ELN: variants seen among roughly 807,000 people sequenced by gnomAD.
ELN encodes tropoelastin.
Under a neutral mutation model 105.8 loss-of-function variants are expected in ELN, and 65 were observed. The ratio of observed to expected loss-of-function variants is 0.61; its 90% CI spans 0.50 to 0.75. ELN has a LOEUF of 0.75. Among genes scored for constraint, ELN ranks in the 30% least tolerant of loss-of-function variants. The pLI is 0.00. For synonymous variants in ELN, 368 were observed against 389.2 expected, an observed-to-expected ratio of 0.95 and a Z score of 0.64; for missense variants, 882 against 969.4, an observed-to-expected ratio of 0.91 and a Z score of 1.20.
intron 12 of ELN, 137 bp downstream of exon 12, chr7:74,046,904 C>T: frequency 1.0e-6 from 1 of 979,962 alleles, no homozygotes; most frequent in Non-Finnish European, 1.6e-6. Context: ...GCCAACATGG[C>T]AAAACCCCGT....
At chr7:74,057,445 T>C (rs1563842202) in intron 21 of ELN, 195 bp from the exon 22 acceptor site, 1 of 1,536,636 alleles carries the variant, frequency 6.5e-7, no homozygotes, top group Non-Finnish European at 8.7e-7. Flanking sequence ...GTCCCAGGTG[T>C]GCCGGGCACG....
chr7:74,031,787 AAAAG>A (rs782307370), intron 1 of ELN, among the ~76,000 whole-genome samples: 12 of 151,508 alleles, frequency 7.9e-5, no homozygotes, highest in East Asian at 3.9e-4. Context: ...AAAAGAAAGA[AAAAG>A]AAAGAAAGAG....
chr7:74,068,790 C>T lies in ELN; in HGVS notation c.*90C>T. The T allele has an allele frequency of 6.7e-7, 1 of 1,488,616 alleles. No homozygotes were observed. Among genetic ancestry groups the T allele is most frequent in the South Asian group, 1.1e-5 (1 of 88,344 alleles). 92.2% of individuals were successfully genotyped at this position (1,488,616 alleles called of 1,614,324 possible). A position where few individuals can be genotyped will look rare whatever the true frequency, so the allele number is the denominator to read the frequency against. ...AACCCTTTGTAACCCCATCCCATGCCCCTCCGACTCCCCACCCCAGGAGGG... is the reference window on the plus strand; with the variant it reads ...AACCCTTTGTAACCCCATCCCATGCTCCTCCGACTCCCCACCCCAGGAGGG... On this transcript the variant is annotated 3_prime_UTR_variant, in exon 33 of 33. Coordinates refer to ENST00000252034, the MANE Select transcript of ELN (RefSeq NM_000501.4).
chr7:74,064,423 A>ATATATATAT (rs1554687739), intron 29 of ELN, among the ~76,000 whole-genome samples: 4 of 133,152 alleles, frequency 3.0e-5, no homozygotes, highest in South Asian at 2.4e-4. Context: ...TCAAAAAAAA[A>ATATATATAT]ATATATATAT....
intron 25 of ELN, 178 bp downstream of exon 25, chr7:74,060,679 G>A: frequency 6.6e-7 from 1 of 1,513,296 alleles, no homozygotes; most frequent in Non-Finnish European, 8.9e-7. Context: ...ACCAGGCCAA[G>A]GGACCCCAGG....
At chr7:74,060,694 C>A in intron 25 of ELN, 193 bp downstream of exon 25, 2 of 1,448,846 alleles carry the variant, frequency 1.4e-6, no homozygotes, top group South Asian at 1.3e-5. Flanking sequence ...CCCAGGCTGC[C>A]CAATTGCAGA....
intron 1 of ELN, among the ~76,000 whole-genome samples, chr7:74,029,792 T>A (rs1390933960): frequency 6.6e-6 from 1 of 152,128 alleles, no homozygotes; most frequent in Non-Finnish European, 1.5e-5. Flanking sequence ...CCACCACCTA[T>A]AGGGTGGCAG....
At chr7:74,050,808 G>C in intron 15 of ELN, among the ~76,000 whole-genome samples, 1 of 152,138 alleles carries the variant, frequency 6.6e-6, no homozygotes, top group East Asian at 1.9e-4. Flanking sequence ...AGGAAAGTTA[G>C]AAAGGCTTCC....
intron 4 of ELN, among the ~76,000 whole-genome samples, chr7:74,039,843 A>G (rs2131337763): frequency 6.6e-6 from 1 of 152,344 alleles, no homozygotes; most frequent in African/African-American, 2.4e-5. Context: ...CTCATCGGAG[A>G]GGCAAATTGA....
At chr7:74,044,569 C>G (rs1377779437) in intron 9 of ELN, among the ~76,000 whole-genome samples, 1 of 152,224 alleles carries the variant, frequency 6.6e-6, no homozygotes, top group Non-Finnish European at 1.5e-5. Context: ...CCCAATGAGT[C>G]TGCCCTGCAG....
chr7:74,066,913 C>A, intron 32 of ELN, 137 bp downstream of exon 32: 1 of 873,198 alleles, frequency 1.1e-6, no homozygotes, highest in Non-Finnish European at 1.9e-6. Context: ...TCACACGAGG[C>A]TGGACCCCGA....
At chr7:74,033,366 C>T (rs549461814) in intron 1 of ELN, among the ~76,000 whole-genome samples, 13 of 152,262 alleles carry the variant, frequency 8.5e-5, no homozygotes, top group African/African-American at 3.1e-4. Context: ...GGAGAGAGGC[C>T]GAGGCAGAGA....
At chr7:74,058,651 C>A (rs1362229332) in intron 22 of ELN, among the ~76,000 whole-genome samples, 1 of 152,144 alleles carries the variant, frequency 6.6e-6, no homozygotes, top group African/African-American at 2.4e-5. Flanking sequence ...CCACCACACC[C>A]GGCCTGCAGT....
intron 17 of ELN, 53 bp downstream of exon 17, chr7:74,052,036 C>G: frequency 6.2e-7 from 1 of 1,604,708 alleles, no homozygotes; most frequent in South Asian, 1.1e-5. Context: ...GCATAGACCT[C>G]GGAGACCCTA....
rs1439853224 is a variant in ELN, at chr7:74,046,356, T to C, written c.571+139T>C. ...GCAGAGCCAGGTCTTGCAGTGGCTG[T>C]AGCACAAAGTGGCACCCATCCCAGG... On this transcript the variant is annotated intron_variant, in intron 11 of 32. Transcript: ENST00000252034. 2.4e-6 allele frequency: 3 copies of C among 1,246,248 alleles called. No homozygotes were observed. In the East Asian group the frequency reaches 7.0e-5, roughly 29 times the overall value. The allele number at this position is 1,246,248 out of a possible 1,614,324, so 77.2% of individuals were successfully genotyped here.
intron 1 of ELN, among the ~76,000 whole-genome samples, chr7:74,033,356 G>A (rs1421721389): frequency 6.6e-6 from 1 of 152,260 alleles, no homozygotes; most frequent in African/African-American, 2.4e-5. Flanking sequence ...AGAGGAGGAA[G>A]GAGAGAGGCC....
chr7:74,048,404 C>G (rs199896614), intron 14 of ELN, 99 bp from the exon 15 acceptor site: 157 of 1,573,974 alleles, frequency 1.0e-4, no homozygotes, highest in Admixed American at 6.8e-4. Flanking sequence ...TGTATACCCA[C>G]ATGTCAGTGG....
rs527441189 is a variant in ELN, at chr7:74,051,764, G to A, written c.814G>A (p.Gly272Arg). The change falls in exon 16 of 33, where the codon GGA (glycine) becomes AGA (arginine). Residue 272 changes from glycine to arginine, a missense_variant. Transcript: ENST00000252034. Reference sequence around the variant, plus strand: ...CATCTCAACAGGTGCTGGAGCAGCCGGAGTCCTCCCTGGTGTTGGAGGGGC... The same window carrying A: ...CATCTCAACAGGTGCTGGAGCAGCCAGAGTCCTCCCTGGTGTTGGAGGGGC... ...AAAKFGAGAA[G>R]VLPGVGGAGV... 9.3e-6 allele frequency: 15 copies of A among 1,614,208 alleles called. No homozygotes were observed. In the South Asian group the frequency reaches 1.2e-4, roughly 13 times the overall value.
Position 74,054,720 on chromosome 7 carries a change from T to C in ELN, c.1101T>C (p.Val367=), listed in dbSNP as rs781849795. 6 of 1,614,184 alleles carry C rather than the reference T, an allele frequency of 3.7e-6. No homozygotes were observed. The highest frequency in any genetic ancestry group is 5.1e-6 in the Non-Finnish European group (6 of 1,180,032). The change falls in exon 19 of 33, where the codon GTT becomes GTC. Residue 367 remains valine, a synonymous_variant. Transcript: ENST00000252034. Reference sequence around the variant, plus strand: ...TGTCCCTTTTGGTCTCTCCAGGGGTTGTGTCACCAGAAGCAGCTGCTAAGG... The same window carrying C: ...TGTCCCTTTTGGTCTCTCCAGGGGTCGTGTCACCAGAAGCAGCTGCTAAGG... ...AGIPGAAVPG[V]VSPEAAAKAA... is the part of the protein sequence containing the mutation.
Sources: gnomAD v4.1 joint callset for allele counts (sites outside exome capture counted in the v4.1 genomes callset) on GRCh38, gnomAD v4.1.1 for gene constraint, MANE v1.5 for transcripts, NCBI Gene and HGNC (gene_info 2026-07-23, HGNC 2026-07-21) for gene names.